The following CIB3 variants were observed in gnomAD, a reference collection of about 807,000 sequenced individuals.
CIB3 encodes the protein calcium and integrin binding family member 3.
Under a neutral mutation model 23.4 loss-of-function variants are expected in CIB3, and 22 were observed. The observed-to-expected ratio is 0.94, with a 90% CI of 0.67 to 1.34. CIB3 has a LOEUF of 1.34. Ranked by LOEUF, CIB3 falls within the 40% of genes most tolerant of loss-of-function variation. The probability of loss-of-function intolerance (pLI) is 0.00; values close to 1 mark genes in which losing one functional copy is unlikely to be tolerated. For missense variants in CIB3, 258 were observed against 247.3 expected, an observed-to-expected ratio of 1.04 and a Z score of -0.29; for synonymous variants, 93 against 95.8, an observed-to-expected ratio of 0.97 and a Z score of 0.17.
intron 5 of CIB3, among the ~76,000 whole-genome samples, chr19:16,162,298 C>T (rs1056981542): frequency 6.7e-6 from 1 of 149,894 alleles, no homozygotes; most frequent in African/African-American, 2.4e-5. Context: ...GTGGTGTGTG[C>T]CCGTACTCCC....
chr19:16,169,763 T>C, intron 2 of CIB3, 22 bp from the exon 3 acceptor site: 1 of 1,570,826 alleles, frequency 6.4e-7, no homozygotes, highest in African/African-American at 1.4e-5. Context: ...AGGAAAAAGC[T>C]GGGAAAGACT....
At position 16,168,248 on chromosome 19, in the gene CIB3, A is replaced by C; in HGVS notation, c.235T>G (p.Ser79Ala). The C allele has an allele frequency of 6.2e-7, 1 of 1,613,824 alleles. No individual in the cohort carries two copies. The highest frequency in any genetic ancestry group is 8.5e-7 in the Non-Finnish European group (1 of 1,179,944). ...GTCATGTGGCCATCCCCATCCTCAG[A>C]GAATACCTGGGCAATCCTCTGGCGG... The part of the protein sequence containing the change: ...PFRQRIAQVF[S>A]EDGDGHMTLD... The change falls in exon 4 of 6, where the codon TCT becomes GCT. Residue 79 changes from serine (S) to alanine (A), a missense_variant. Transcript: ENST00000269878.
chr19:16,168,414 A>G, intron 3 of CIB3, 130 bp from the exon 4 acceptor site: 1 of 1,307,540 alleles, frequency 7.6e-7, no homozygotes, highest in Non-Finnish European at 1.0e-6. Context: ...ACTCCCTCCC[A>G]TGGTCCCTGG....
At chr19:16,165,292 C>CA (rs71178645) in intron 4 of CIB3, among the ~76,000 whole-genome samples, 53,600 of 79,838 alleles carry the variant, frequency 0.67, 17,654 homozygotes, top group East Asian at 0.85. Context: ...AAACTCCGTC[C>CA]AAAAAAAAAA....
intron 3 of CIB3, among the ~76,000 whole-genome samples, chr19:16,169,235 C>T (rs978989620): frequency 6.6e-6 from 1 of 152,176 alleles, no homozygotes; most frequent in Admixed American, 6.5e-5. Flanking sequence ...CCTCCACCTC[C>T]TGAGTTCAAG....
chr19:16,162,318 G>A lies in CIB3; in HGVS notation c.543-832C>T, dbSNP rs544571032. Among the ~76,000 whole-genome samples the A allele has an allele frequency of 3.8e-4, 58 of 151,966 alleles. 2 individuals carry two copies. In the South Asian group the frequency reaches 0.011, roughly 28 times the overall value. ...GTGTGCCCGTACTCCCAGCTACTCAGGAGGCTGAGGTGGGAGGATTGCTCT... is the reference window on the plus strand; with the variant it reads ...GTGTGCCCGTACTCCCAGCTACTCAAGAGGCTGAGGTGGGAGGATTGCTCT... On this transcript the variant is annotated intron_variant, in intron 5 of 5. Transcript: ENST00000269878.
intron 5 of CIB3, among the ~76,000 whole-genome samples, chr19:16,162,681 C>T (rs1011785799): frequency 6.0e-5 from 9 of 148,882 alleles, no homozygotes; most frequent in African/African-American, 9.9e-5. Context: ...CTTGAACCTG[C>T]GAGGTGGAGG....
chr19:16,170,102 T>G (rs1258165581), intron 2 of CIB3, among the ~76,000 whole-genome samples: 1 of 152,090 alleles, frequency 6.6e-6, no homozygotes, highest in Non-Finnish European at 1.5e-5. Context: ...CCTGGCCAAG[T>G]CCCTTCTCTT....
chr19:16,165,713 G>T (rs917010721), intron 4 of CIB3, among the ~76,000 whole-genome samples: 2 of 152,120 alleles, frequency 1.3e-5, no homozygotes, highest in Non-Finnish European at 2.9e-5. Flanking sequence ...AAAGTGCTAG[G>T]ATTACAGGTG....
At chr19:16,170,360 T>G (rs1203536311) in intron 2 of CIB3, among the ~76,000 whole-genome samples, 3 of 152,150 alleles carry the variant, frequency 2.0e-5, no homozygotes, top group Non-Finnish European at 4.4e-5. Flanking sequence ...AGTAGGAGCT[T>G]CTAAAGCAGA....
chr19:16,169,673 A>G lies in CIB3; in HGVS notation c.155T>C (p.Val52Ala). Residue 52 changes from valine to alanine, a missense_variant, in exon 3 of 6, where the codon GTG becomes GCG. Transcript: ENST00000269878. The part of the protein sequence containing the change: ...VPLDYTTCPD[V>A]KVPYELIGSM... ...GCCAATGAGCTCGTAGGGCACCTTC[A>G]CATCGGGGCAGGTGGTATAGTCGAG... 6.2e-7 allele frequency: 1 copy of G among 1,613,886 alleles called. No homozygotes were observed. The highest frequency in any genetic ancestry group is 8.5e-7 in the Non-Finnish European group (1 of 1,179,828).
Position 16,169,756 on chromosome 19 carries a change from A to G in CIB3, c.87-15T>C. 1 of 1,584,928 alleles carries G rather than the reference A, an allele frequency of 6.3e-7. No homozygotes were observed. The highest frequency in any genetic ancestry group is 8.6e-7 in the Non-Finnish European group (1 of 1,166,224). ...GATAGAAGAGCCTGATGTGGGGAGGAAAAAGCTGGGAAAGACTGGGAGCAG... is the reference window on the plus strand; with the variant it reads ...GATAGAAGAGCCTGATGTGGGGAGGGAAAAGCTGGGAAAGACTGGGAGCAG... On this transcript the variant is annotated splice_polypyrimidine_tract_variant and intron_variant, in intron 2 of 5. Coordinates refer to ENST00000269878, the MANE Select transcript of CIB3 (RefSeq NM_054113.4).
chr19:16,164,902 C>A lies in CIB3; in HGVS notation c.358G>T (p.Asp120Tyr). 3.1e-6 allele frequency: 5 copies of A among 1,613,984 alleles called. No individual in the cohort carries two copies. Among genetic ancestry groups the A allele is most frequent in the Non-Finnish European group, 4.2e-6 (5 of 1,179,950 alleles). The change falls in exon 5 of 6, where the codon GAC (aspartate) becomes TAC (tyrosine). Residue 120 changes from aspartate (D) to tyrosine (Y), a missense_variant. Coordinates refer to ENST00000269878, the MANE Select transcript of CIB3 (RefSeq NM_054113.4). ...AGGTCCCACGCACAAATGTAGTCGTCGTTGTTAAAATCTGCAGAGCAGGAT... is the reference window on the plus strand; with the variant it reads ...AGGTCCCACGCACAAATGTAGTCGTAGTTGTTAAAATCTGCAGAGCAGGAT... ...YAFKIYDFNN[D>Y]DYICAWDLEQ...
rs180955471 is a variant in CIB3, at chr19:16,167,007, G to A, written c.346+1130C>T. On this transcript the variant is annotated intron_variant, in intron 4 of 5. Coordinates refer to ENST00000269878, the MANE Select transcript of CIB3 (RefSeq NM_054113.4). ...GAGGCGGGTGGATCACCTGAGGTCAGGAGTTCGAGACCAGTCTGGCCAACA... is the reference window on the plus strand; with the variant it reads ...GAGGCGGGTGGATCACCTGAGGTCAAGAGTTCGAGACCAGTCTGGCCAACA... Among the ~76,000 whole-genome samples the A allele has an allele frequency of 3.1e-4, 47 of 152,140 alleles. No individual in the cohort carries two copies. The South Asian group carries it at 3.7e-3, about 12-fold the overall frequency.
At chr19:16,168,311 C>A in intron 3 of CIB3, 27 bp from the exon 4 acceptor site, 1 of 1,612,212 alleles carries the variant, frequency 6.2e-7, no homozygotes, top group Non-Finnish European at 8.5e-7. Context: ...AGCTGGGAGG[C>A]CATCCTCTGA....
At chr19:16,161,802 C>T (rs1467671308) in intron 5 of CIB3, among the ~76,000 whole-genome samples, 4 of 151,148 alleles carry the variant, frequency 2.6e-5, no homozygotes, top group Non-Finnish European at 5.9e-5. Context: ...CTCAGCCTCC[C>T]GAGTAGCTAG....
chr19:16,168,027 C>T, intron 4 of CIB3, 110 bp downstream of exon 4: 1 of 1,397,512 alleles, frequency 7.2e-7, no homozygotes, highest in Non-Finnish European at 9.7e-7. Flanking sequence ...GACAGGGCCA[C>T]ATAGGGCCTC....
In CIB3 at chr19:16,164,776, CA is replaced by C; in HGVS notation, c.483del (p.Asp161GlufsTer12). The C allele has an allele frequency of 6.2e-7, 1 of 1,614,054 alleles. No homozygotes were observed. The highest frequency in any genetic ancestry group is 2.2e-5 in the East Asian group (1 of 44,864). On this transcript the variant is annotated frameshift_variant, in exon 5 of 6. Coordinates refer to ENST00000269878, the MANE Select transcript of CIB3 (RefSeq NM_054113.4). LOFTEE classifies it high-confidence loss of function. ...KVLDEADGDH[D>X]GRLSLEDFQN... ...TGGAAATCTTCCAGGGACAGCCGCC[CA>C]TCATGGTCTCCATCAGCCTCATCCA...
chr19:16,170,586 C>T (rs1283166688), intron 2 of CIB3, among the ~76,000 whole-genome samples: 2 of 152,048 alleles, frequency 1.3e-5, no homozygotes, highest in African/African-American at 4.8e-5. Context: ...TTTGGGAGGC[C>T]GAGGCGGGTG....
Sources: gnomAD v4.1 joint callset for allele counts (sites outside exome capture counted in the v4.1 genomes callset) on GRCh38, gnomAD v4.1.1 for gene constraint, MANE v1.5 for transcripts, NCBI Gene and HGNC (gene_info 2026-07-23, HGNC 2026-07-21) for gene names.